Variants in GULP1 observed in about 807,000 individuals in gnomAD.
GULP1 encodes the protein GULP PTB domain containing engulfment adaptor 1.
Under a neutral mutation model 40.9 loss-of-function variants are expected in GULP1, and 19 were observed. The observed-to-expected ratio is 0.46, with a 90% CI of 0.32 to 0.68. GULP1 has a LOEUF of 0.68. GULP1 is among the 30% of genes least tolerant of loss of function. The probability of loss-of-function intolerance (pLI) is 0.03; values close to 1 mark genes in which losing one functional copy is unlikely to be tolerated. For missense variants in GULP1, 312 were observed against 362.2 expected, an observed-to-expected ratio of 0.86 and a Z score of 1.12; for synonymous variants, 119 against 117.6, an observed-to-expected ratio of 1.01 and a Z score of -0.08.
intron 2 of GULP1, among the ~76,000 whole-genome samples, chr2:188,474,005 A>G (rs927774346): frequency 6.6e-6 from 1 of 152,150 alleles, no homozygotes; most frequent in Non-Finnish European, 1.5e-5. Flanking sequence ...GAAGGCTACT[A>G]GTACTGAGTT....
chr2:188,338,288 T>C (rs1248779861), intron 1 of GULP1, among the ~76,000 whole-genome samples: 1 of 151,420 alleles, frequency 6.6e-6, no homozygotes, highest in African/African-American at 2.4e-5. Flanking sequence ...AATTTTTTTT[T>C]TTTTTTTTGA....
chr2:188,521,701 C>T (rs781484609), intron 4 of GULP1, among the ~76,000 whole-genome samples: 1 of 152,160 alleles, frequency 6.6e-6, no homozygotes, highest in Non-Finnish European at 1.5e-5. Context: ...ATGGGAATTA[C>T]AGGAGCTACA....
chr2:188,517,610 T>C (rs1355642659), intron 4 of GULP1, among the ~76,000 whole-genome samples: 1 of 152,186 alleles, frequency 6.6e-6, no homozygotes, highest in Non-Finnish European at 1.5e-5. Context: ...AAAAGCCAAC[T>C]GGCGGTTCTG....
chr2:188,347,530 T>G (rs982237100), intron 1 of GULP1, among the ~76,000 whole-genome samples: 3 of 152,098 alleles, frequency 2.0e-5, no homozygotes, highest in Non-Finnish European at 4.4e-5. Flanking sequence ...GACTTAACTA[T>G]ATATTAAGTC....
chr2:188,295,094 GTTTATA>G, intron 1 of GULP1, among the ~76,000 whole-genome samples: 1 of 152,058 alleles, frequency 6.6e-6, no homozygotes, highest in Non-Finnish European at 1.5e-5. Flanking sequence ...TTTTATTTCA[GTTTATA>G]TTTATACACA....
At chr2:188,342,948 G>T (rs147231562) in intron 1 of GULP1, among the ~76,000 whole-genome samples, 2 of 152,100 alleles carry the variant, frequency 1.3e-5, no homozygotes, top group Non-Finnish European at 2.9e-5. Flanking sequence ...AAACAGTTAC[G>T]TAGACTGCTT....
rs192266514 is a variant in GULP1 at position 188,479,777 on chromosome 2, T to C, written c.28+2047T>C. Reference sequence around the variant, plus strand: ...GAAGGGGGTTTAGAATGGTTTTTCATTGAGAAATCCCAAGAGTTGGATAGT... The same window carrying C: ...GAAGGGGGTTTAGAATGGTTTTTCACTGAGAAATCCCAAGAGTTGGATAGT... On this transcript the variant is annotated intron_variant, in intron 3 of 11. Transcript: ENST00000409830. Among the ~76,000 whole-genome samples the C allele has an allele frequency of 1.1e-3, 171 of 152,232 alleles. 1 individual carries two copies. The highest frequency in any genetic ancestry group is 3.7e-3 in the African/African-American group (153 of 41,556).
At chr2:188,547,526 G>T (rs1030830711) in intron 7 of GULP1, among the ~76,000 whole-genome samples, 1 of 152,108 alleles carries the variant, frequency 6.6e-6, no homozygotes, top group Non-Finnish European at 1.5e-5. Context: ...ACAGGAGAAA[G>T]ATGTAGGCTG....
intron 4 of GULP1, among the ~76,000 whole-genome samples, chr2:188,501,594 G>A (rs994853835): frequency 4.6e-5 from 7 of 151,860 alleles, no homozygotes; most frequent in African/African-American, 1.7e-4. Context: ...CCAGGTATGA[G>A]ACCTCTAAGA....
At chr2:188,460,532 A>G (rs1223606924) in intron 2 of GULP1, among the ~76,000 whole-genome samples, 1 of 151,690 alleles carries the variant, frequency 6.6e-6, no homozygotes, top group Non-Finnish European at 1.5e-5. Flanking sequence ...GAGTTCTAAT[A>G]GTTATTTTTG....
At chr2:188,513,911 G>T (rs773987258) in intron 4 of GULP1, among the ~76,000 whole-genome samples, 3 of 152,076 alleles carry the variant, frequency 2.0e-5, no homozygotes, top group Admixed American at 6.5e-5. Context: ...CCCAGACAGG[G>T]CTACTGTCTG....
At chr2:188,420,960 G>A (rs10211189) in intron 2 of GULP1, among the ~76,000 whole-genome samples, 26,536 of 151,856 alleles carry the variant, frequency 0.17, 2,378 homozygotes, top group East Asian at 0.24. Flanking sequence ...GTCTCCTGTC[G>A]CTATCAGTAC....
intron 1 of GULP1, among the ~76,000 whole-genome samples, chr2:188,348,355 T>A (rs897832683): frequency 6.6e-6 from 1 of 152,210 alleles, no homozygotes; most frequent in Non-Finnish European, 1.5e-5. Context: ...CTGGCCTTTT[T>A]ACTGCCTTTA....
chr2:188,468,488 A>G (rs1192066829), intron 2 of GULP1, among the ~76,000 whole-genome samples: 1 of 152,202 alleles, frequency 6.6e-6, no homozygotes, highest in East Asian at 1.9e-4. Flanking sequence ...GTAATTCAAC[A>G]TATATTAACT....
intron 1 of GULP1, among the ~76,000 whole-genome samples, chr2:188,366,468 T>G (rs2152410471): frequency 6.6e-6 from 1 of 152,266 alleles, no homozygotes; most frequent in Non-Finnish European, 1.5e-5. Context: ...TAGCATCTAT[T>G]GCATCTGAAC....
At chr2:188,489,006 A>T (rs1050069073) in intron 4 of GULP1, among the ~76,000 whole-genome samples, 2 of 151,298 alleles carry the variant, frequency 1.3e-5, no homozygotes, top group African/African-American at 4.9e-5. Context: ...TCTTAATATA[A>T]AAAAAAATAA....
chr2:188,501,584 C>G (rs1191768893), intron 4 of GULP1, among the ~76,000 whole-genome samples: 2 of 151,948 alleles, frequency 1.3e-5, no homozygotes, highest in African/African-American at 4.8e-5. Flanking sequence ...TAGCATGCCA[C>G]CAGGTATGAG....
At position 188,595,244 on chromosome 2, in the gene GULP1, T is replaced by G. The variant is rs994163177; in HGVS notation, c.*1233T>G. The G allele has an allele frequency of 4.6e-5, 7 of 151,658 alleles. No individual in the cohort carries two copies. The highest frequency in any genetic ancestry group is 7.3e-5 in the African/African-American group (3 of 41,378). The allele number at this position is 151,658 out of a possible 1,614,324, so 9.4% of individuals were successfully genotyped here. On this transcript the variant is annotated 3_prime_UTR_variant, in exon 12 of 12. Transcript: ENST00000409830. Reference sequence around the variant, plus strand: ...GTAAAACAAAAATTTATGGTCAAAATTTCTAACTTGGTTCATCACATTATA... The same window carrying G: ...GTAAAACAAAAATTTATGGTCAAAAGTTCTAACTTGGTTCATCACATTATA...
chr2:188,343,327 A>G (rs2043206638), intron 1 of GULP1, among the ~76,000 whole-genome samples: 1 of 151,938 alleles, frequency 6.6e-6, no homozygotes, highest in Non-Finnish European at 1.5e-5. Context: ...TAGGTGATCT[A>G]TACATACTTA....
Sources: gnomAD v4.1 joint callset for allele counts (sites outside exome capture counted in the v4.1 genomes callset) on GRCh38, gnomAD v4.1.1 for gene constraint, MANE v1.5 for transcripts, NCBI Gene and HGNC (gene_info 2026-07-23, HGNC 2026-07-21) for gene names.